The following TTC28 variants were observed in gnomAD, a reference collection of about 807,000 sequenced individuals.
The protein encoded by TTC28 is tetratricopeptide repeat domain 28.
Under a neutral mutation model 198.0 loss-of-function variants are expected in TTC28, and 61 were observed. The observed-to-expected ratio is 0.31, with a 90% CI of 0.25 to 0.38. The LOEUF is 0.38. Among genes scored for constraint, TTC28 ranks in the 10% least tolerant of loss-of-function variants. The pLI, the probability that TTC28 is intolerant of heterozygous loss-of-function variation, is 1.00. For synonymous variants in TTC28, 1,171 were observed against 1,297.8 expected (o/e 0.90, Z 2.10); for missense variants, 2,678 against 3,164.0 (o/e 0.85, Z 3.69).
chr22:28,087,640 C>A (rs551504488), intron 12 of TTC28, among the ~76,000 whole-genome samples: 1 of 152,048 alleles, frequency 6.6e-6, no homozygotes, highest in African/African-American at 2.4e-5. Flanking sequence ...CTATTCAACA[C>A]AGTGCTGGAA....
At chr22:28,161,267 C>T (rs1384436665) in intron 6 of TTC28, among the ~76,000 whole-genome samples, 2 of 152,190 alleles carry the variant, frequency 1.3e-5, no homozygotes, top group African/African-American at 2.4e-5. Context: ...TGCAGTGGCT[C>T]ATGCCTGTCA....
chr22:28,042,383 T>C (rs1445218637), intron 12 of TTC28, among the ~76,000 whole-genome samples: 2 of 152,100 alleles, frequency 1.3e-5, no homozygotes, highest in African/African-American at 2.4e-5. Context: ...ATATACACCA[T>C]GGAATACTAT....
At chr22:28,095,864 C>T (rs1335455752) in intron 11 of TTC28, among the ~76,000 whole-genome samples, 1 of 152,188 alleles carries the variant, frequency 6.6e-6, no homozygotes, top group African/African-American at 2.4e-5. Flanking sequence ...TTAGGACTTG[C>T]AGTCATCACT....
chr22:28,037,910 C>T (rs956272920), intron 12 of TTC28, among the ~76,000 whole-genome samples: 1 of 152,180 alleles, frequency 6.6e-6, no homozygotes, highest in African/African-American at 2.4e-5. Flanking sequence ...AGTGAACTCC[C>T]ATTCGCGATT....
At chr22:28,390,411 T>C (rs2146062308) in intron 2 of TTC28, among the ~76,000 whole-genome samples, 2 of 152,270 alleles carry the variant, frequency 1.3e-5, no homozygotes, top group Admixed American at 1.3e-4. Flanking sequence ...TGACTTTCTG[T>C]CTCGTTGATC....
At position 28,580,060 on chromosome 22, in the gene TTC28, T is replaced by C. The variant is rs114198299; in HGVS notation, c.381+49492A>G. Among the ~76,000 whole-genome samples, 1,077 of 152,074 alleles carry C rather than the reference T, an allele frequency of 7.1e-3. 12 individuals carry two copies. The highest frequency in any genetic ancestry group is 0.025 in the African/African-American group (1,039 of 41,468). On this transcript the variant is annotated intron_variant, in intron 2 of 22. Coordinates refer to ENST00000397906, the MANE Select transcript of TTC28 (RefSeq NM_001145418.2). ...TAGATAAACAGATTATTTCAATGTA[T>C]TGTGTTGATAAAGTCAGCAATAAGG... is the stretch of plus-strand genomic sequence containing the variant.
intron 5 of TTC28, among the ~76,000 whole-genome samples, chr22:28,216,596 AAAGC>A (rs1927423495): frequency 6.6e-6 from 1 of 152,214 alleles, no homozygotes; most frequent in African/African-American, 2.4e-5. Flanking sequence ...TTAAAAAAAC[AAAGC>A]AAGAGGTAGT....
At chr22:28,574,846 ATTGT>A (rs2050121404) in intron 2 of TTC28, among the ~76,000 whole-genome samples, 3 of 151,992 alleles carry the variant, frequency 2.0e-5, no homozygotes, top group African/African-American at 7.2e-5. Flanking sequence ...ATCTATTCAG[ATTGT>A]TTGCCCATTT....
At chr22:28,197,091 A>T (rs1925427446) in intron 5 of TTC28, among the ~76,000 whole-genome samples, 1 of 152,104 alleles carries the variant, frequency 6.6e-6, no homozygotes, top group Non-Finnish European at 1.5e-5. Flanking sequence ...CTATGCAGCC[A>T]TAAAAAATAA....
intron 5 of TTC28, among the ~76,000 whole-genome samples, chr22:28,243,208 A>AAAAAAAAAAAAAAAC (rs1569217602): frequency 1.7e-5 from 2 of 120,788 alleles, no homozygotes; most frequent in African/African-American, 5.9e-5. Context: ...AAAAAAAAAA[A>AAAAAAAAAAAAAAAC]AAAAACTAGC....
At chr22:28,297,985 AC>A in intron 3 of TTC28, 133 bp from the exon 4 acceptor site, 1 of 1,047,602 alleles carries the variant, frequency 9.5e-7, no homozygotes, top group Non-Finnish European at 1.4e-6. Flanking sequence ...AAACTCTTCA[AC>A]CTTTATTCTA....
Position 27,998,798 on chromosome 22 carries a change from C to T in TTC28, c.4861G>A (p.Val1621Met). 9.0e-6 allele frequency: 14 copies of T among 1,550,708 alleles called. No individual in the cohort carries two copies. Among genetic ancestry groups the T allele is most frequent in the Non-Finnish European group, 1.2e-5 (14 of 1,147,002 alleles). ...GACTCCTGGGAGGAGCCAAGCACCACCAGCTTCACAGGCAGCTGCAGGTCC... is the reference window on the plus strand; with the variant it reads ...GACTCCTGGGAGGAGCCAAGCACCATCAGCTTCACAGGCAGCTGCAGGTCC... ...VLDLQLPVKL[V>M]VLGSSQESNS... Residue 1621 changes from valine (V) to methionine (M), a missense_variant, in exon 16 of 23, where the codon GTG becomes ATG. By Grantham distance (21) the Val-to-Met change is conservative (BLOSUM62 1). This residue lies in a region of TTC28 where 727 missense variants were observed against 861.9 expected (regional missense o/e 0.84). Coordinates refer to ENST00000397906, the MANE Select transcript of TTC28 (RefSeq NM_001145418.2).
At chr22:28,675,532 A>G (rs1365773269) in intron 1 of TTC28, among the ~76,000 whole-genome samples, 3 of 151,996 alleles carry the variant, frequency 2.0e-5, no homozygotes, top group African/African-American at 7.3e-5. Context: ...CTGGTGGACC[A>G]CTTGAGCCCA....
chr22:28,074,767 A>G (rs528934971), intron 12 of TTC28, among the ~76,000 whole-genome samples: 1 of 152,200 alleles, frequency 6.6e-6, no homozygotes, highest in Admixed American at 6.5e-5. Flanking sequence ...GTACAATGGG[A>G]TAACTCACAC....
chr22:28,122,429 T>C (rs980021982), intron 6 of TTC28, among the ~76,000 whole-genome samples: 1 of 152,232 alleles, frequency 6.6e-6, no homozygotes, highest in African/African-American at 2.4e-5. Context: ...CTGTTTCTTA[T>C]AGTCAAAAGA....
intron 2 of TTC28, among the ~76,000 whole-genome samples, chr22:28,448,824 T>C (rs2047737219): frequency 1.3e-5 from 2 of 152,170 alleles, no homozygotes; most frequent in African/African-American, 4.8e-5. Context: ...ACCTCTGACC[T>C]TACCCATCTC....
At chr22:28,044,208 A>G (rs919909801) in intron 12 of TTC28, among the ~76,000 whole-genome samples, 3 of 152,136 alleles carry the variant, frequency 2.0e-5, no homozygotes, top group South Asian at 2.1e-4. Flanking sequence ...CTTGTACATC[A>G]CTTTAGAAAT....
intron 1 of TTC28, among the ~76,000 whole-genome samples, chr22:28,662,390 C>A (rs2145698240): frequency 6.6e-6 from 1 of 152,294 alleles, no homozygotes; most frequent in South Asian, 2.1e-4. Flanking sequence ...AGCCAGGCTG[C>A]TAAATTAGAA....
At chr22:28,110,149 G>A (rs919672684) in intron 6 of TTC28, among the ~76,000 whole-genome samples, 9 of 152,194 alleles carry the variant, frequency 5.9e-5, no homozygotes, top group African/African-American at 2.2e-4. Flanking sequence ...GGCAGGGCAG[G>A]AGCTGGGGCT....
Sources: gnomAD v4.1 joint callset for allele counts (sites outside exome capture counted in the v4.1 genomes callset) on GRCh38, gnomAD v4.1.1 for gene constraint, gnomAD v4.1.1 regional missense constraint, MANE v1.5 for transcripts, NCBI Gene and HGNC (gene_info 2026-07-23, HGNC 2026-07-21) for gene names.